The following RAP1GDS1 variants were observed in gnomAD, a reference collection of about 807,000 sequenced individuals.
RAP1GDS1 encodes the protein Rap1 GTPase-GDP dissociation stimulator 1.
In RAP1GDS1, 35 loss-of-function variants were observed where a neutral mutation model predicts 71.1. The observed-to-expected ratio is 0.49, with a 90% CI of 0.38 to 0.65. RAP1GDS1 has a LOEUF of 0.65. RAP1GDS1 is among the 30% of genes least tolerant of loss of function. The pLI is 0.00. For synonymous variants in RAP1GDS1, 229 were observed against 243.1 expected (o/e 0.94, Z 0.54); for missense variants, 663 against 706.1 (o/e 0.94, Z 0.69).
chr4:98,353,876 C>T (rs1234619596), intron 4 of RAP1GDS1, among the ~76,000 whole-genome samples: 1 of 152,050 alleles, frequency 6.6e-6, no homozygotes, highest in East Asian at 1.9e-4. Context: ...ATAATATCAA[C>T]TTTCAAGACT....
intron 12 of RAP1GDS1, among the ~76,000 whole-genome samples, chr4:98,422,256 C>G (rs184339400): frequency 6.6e-6 from 1 of 152,046 alleles, no homozygotes; most frequent in Non-Finnish European, 1.5e-5. Context: ...CTTGCTCTCT[C>G]GCTCAGGCTG....
chr4:98,407,839 A>G (rs1392669350), intron 7 of RAP1GDS1, among the ~76,000 whole-genome samples: 2 of 151,424 alleles, frequency 1.3e-5, no homozygotes, highest in Admixed American at 6.6e-5. Context: ...TTTAAAAAAA[A>G]TAATAATAAG....
At chr4:98,282,747 G>A (rs964114231) in intron 1 of RAP1GDS1, among the ~76,000 whole-genome samples, 20 of 151,942 alleles carry the variant, frequency 1.3e-4, no homozygotes, top group Non-Finnish European at 7.4e-5. Context: ...GCTTTCCCTT[G>A]TGGGCATTTA....
intron 1 of RAP1GDS1, among the ~76,000 whole-genome samples, chr4:98,279,731 G>A (rs1174123473): frequency 2.0e-5 from 3 of 151,984 alleles, no homozygotes; most frequent in Non-Finnish European, 2.9e-5. Context: ...TTTACATTAG[G>A]TATTTCTCCT....
chr4:98,343,923 G>A (rs6532732), intron 3 of RAP1GDS1, among the ~76,000 whole-genome samples: 21,556 of 152,034 alleles, frequency 0.14, 2,233 homozygotes, highest in African/African-American at 0.28. Context: ...TAAGAAGGCC[G>A]TACTATATAT....
In RAP1GDS1 at chr4:98,264,144, A is replaced by G. The variant is rs532138701; in HGVS notation, c.4+2575A>G. ...TAAAGATAGTCTCAGCCGGGCGCGC[A>G]CTTTGGGAGGCCGAGGCGGGCGGAT... On this transcript the variant is annotated intron_variant, in intron 1 of 14. Transcript: ENST00000408927. 1.8e-4 allele frequency among the ~76,000 whole-genome samples: 27 copies of G among 152,306 alleles called. No homozygotes were observed. The South Asian group carries it at 5.4e-3, about 30-fold the overall frequency.
chr4:98,314,031 A>G (rs1578402434), intron 2 of RAP1GDS1, among the ~76,000 whole-genome samples: 1 of 152,068 alleles, frequency 6.6e-6, no homozygotes, highest in South Asian at 2.1e-4. Context: ...GATGCTTGTA[A>G]TTTTCTTTTC....
rs367888577 is a variant in RAP1GDS1 at position 98,261,521 on chromosome 4, A to T, written c.-45A>T. The T allele has an allele frequency of 1.3e-6, 2 of 1,587,288 alleles. No homozygotes were observed. Among genetic ancestry groups the T allele is most frequent in the South Asian group, 1.1e-5 (1 of 88,244 alleles). On this transcript the variant is annotated 5_prime_UTR_variant, in exon 1 of 15. Coordinates refer to ENST00000408927, the MANE Select transcript of RAP1GDS1 (RefSeq NM_001100427.2). ...CACAGAGCCGCGCCGCCCGCACCAC[A>T]GACCTTCGCCTCGCCCCGCCGGTTC... is the stretch of plus-strand genomic sequence containing the variant.
intron 2 of RAP1GDS1, among the ~76,000 whole-genome samples, chr4:98,300,281 G>C (rs1168750359): frequency 6.6e-6 from 1 of 152,138 alleles, no homozygotes; most frequent in Non-Finnish European, 1.5e-5. Context: ...CTTACTGAAG[G>C]CTCAGATGAT....
chr4:98,382,149 C>T (rs1434242948), intron 5 of RAP1GDS1, among the ~76,000 whole-genome samples: 3 of 151,584 alleles, frequency 2.0e-5, no homozygotes, highest in Non-Finnish European at 3.0e-5. Context: ...TAGCTCAAGA[C>T]TCTATACCTC....
At chr4:98,326,817 C>T (rs1733168661) in intron 2 of RAP1GDS1, among the ~76,000 whole-genome samples, 1 of 152,086 alleles carries the variant, frequency 6.6e-6, no homozygotes, top group African/African-American at 2.4e-5. Flanking sequence ...ATTTTGGTCT[C>T]TTTTTCTTTT....
At chr4:98,314,654 A>G (rs1730693095) in intron 2 of RAP1GDS1, among the ~76,000 whole-genome samples, 1 of 152,194 alleles carries the variant, frequency 6.6e-6, no homozygotes, top group Admixed American at 6.5e-5. Flanking sequence ...GTGTACCACT[A>G]TGCATTAGTT....
intron 10 of RAP1GDS1, among the ~76,000 whole-genome samples, chr4:98,419,597 G>A (rs1011067903): frequency 1.3e-5 from 2 of 152,134 alleles, no homozygotes; most frequent in Non-Finnish European, 2.9e-5. Flanking sequence ...ATTACATGAT[G>A]ATCCAATCCA....
intron 11 of RAP1GDS1, 27 bp downstream of exon 11, chr4:98,420,171 C>T (rs1470117939): frequency 1.3e-5 from 19 of 1,486,176 alleles, no homozygotes; most frequent in Non-Finnish European, 1.7e-5. Context: ...CCCCAACTTG[C>T]ATTTTTCATA....
At chr4:98,379,469 G>C (rs919936979) in intron 5 of RAP1GDS1, 1 of 183,920 alleles carries the variant, frequency 5.4e-6, no homozygotes, top group African/African-American at 2.3e-5. Context: ...TATTAAAATA[G>C]TTTTATCTTC....
chr4:98,425,724 A>G (rs1183909337), intron 12 of RAP1GDS1, among the ~76,000 whole-genome samples: 1 of 152,224 alleles, frequency 6.6e-6, no homozygotes, highest in East Asian at 1.9e-4. Flanking sequence ...CCAAATTTAT[A>G]AAACAATTGC....
At chr4:98,261,763 G>A in intron 1 of RAP1GDS1, 194 bp downstream of exon 1, 3 of 677,160 alleles carry the variant, frequency 4.4e-6, no homozygotes, top group Non-Finnish European at 6.6e-6. Flanking sequence ...GGTCCCGAGC[G>A]CGGGCTGGGG....
In RAP1GDS1 at chr4:98,436,980, G is replaced by A. The variant is rs917740219; in HGVS notation, c.1608G>A (p.Gln536=). 4.3e-6 allele frequency: 7 copies of A among 1,612,348 alleles called. No individual in the cohort carries two copies. The highest frequency in any genetic ancestry group is 1.1e-5 in the South Asian group (1 of 90,766). ...EKDLESAKLV[Q]ILHRLLADER... ...ATCTAGAAAGTGCTAAACTTGTACA[G>A]ATTTTACATAGACTGCTAGCAGATG... Residue 536 remains glutamine (Q), a synonymous_variant, in exon 14 of 15, where the codon CAG becomes CAA. Coordinates refer to ENST00000408927, the MANE Select transcript of RAP1GDS1 (RefSeq NM_001100427.2).
At chr4:98,303,912 T>A (rs1308476781) in intron 2 of RAP1GDS1, among the ~76,000 whole-genome samples, 4 of 152,024 alleles carry the variant, frequency 2.6e-5, no homozygotes, top group African/African-American at 9.7e-5. Context: ...GTCCATGTGT[T>A]TTCTTTGTTC....
Sources: allele counts gnomAD v4.1 joint callset (sites outside exome capture counted in the v4.1 genomes callset), GRCh38; gene constraint gnomAD v4.1.1; transcripts MANE v1.5; gene names NCBI Gene and HGNC (gene_info 2026-07-23, HGNC 2026-07-21).